Variants in ARHGEF26 observed in about 807,000 individuals in gnomAD.
ARHGEF26 encodes Rho guanine nucleotide exchange factor 26.
A neutral mutation model predicts 89.4 loss-of-function variants in ARHGEF26; 59 were observed. The ratio of observed to expected loss-of-function variants is 0.66; its 90% CI spans 0.54 to 0.82. The LOEUF is 0.82. ARHGEF26 is among the 40% of genes least tolerant of loss of function. The probability of loss-of-function intolerance (pLI) is 0.00; values close to 1 mark genes in which losing one functional copy is unlikely to be tolerated. For synonymous variants in ARHGEF26, 500 were observed against 428.4 expected (o/e 1.17, Z -2.06); for missense variants, 1,234 against 1,085.6 (o/e 1.14, Z -1.92).
intron 11 of ARHGEF26, among the ~76,000 whole-genome samples, chr3:154,234,565 C>G (rs990724226): frequency 1.3e-5 from 2 of 151,996 alleles, no homozygotes; most frequent in Admixed American, 1.3e-4. Context: ...ATATGTTTCC[C>G]CAAATGTCCC....
chr3:154,212,857 T>C (rs935274839), intron 9 of ARHGEF26, among the ~76,000 whole-genome samples: 3 of 151,924 alleles, frequency 2.0e-5, no homozygotes, highest in African/African-American at 7.3e-5. Flanking sequence ...TCCATGGCCC[T>C]GGGGGTGGGG....
intron 8 of ARHGEF26, among the ~76,000 whole-genome samples, chr3:154,193,571 G>A (rs943737789): frequency 6.6e-6 from 1 of 152,074 alleles, no homozygotes; most frequent in Non-Finnish European, 1.5e-5. Flanking sequence ...GGCCATTTAG[G>A]CAGAATGTAA....
chr3:154,171,768 T>C (rs1322374174), intron 6 of ARHGEF26, among the ~76,000 whole-genome samples: 1 of 151,954 alleles, frequency 6.6e-6, no homozygotes, highest in Non-Finnish European at 1.5e-5. Context: ...TTTCAAGCAA[T>C]GGTGCTGAAA....
intron 6 of ARHGEF26, among the ~76,000 whole-genome samples, chr3:154,165,655 A>G (rs879694311): frequency 6.6e-6 from 1 of 152,200 alleles, no homozygotes; most frequent in African/African-American, 2.4e-5. Flanking sequence ...TGAGACCTGC[A>G]TAAGGAATGT....
intron 6 of ARHGEF26, among the ~76,000 whole-genome samples, chr3:154,164,189 A>G (rs1199460351): frequency 1.3e-5 from 2 of 152,060 alleles, no homozygotes; most frequent in Non-Finnish European, 2.9e-5. Context: ...TCACAGCAAA[A>G]TATTTTAATT....
chr3:154,126,550 C>G (rs1718343010), intron 3 of ARHGEF26, among the ~76,000 whole-genome samples: 1 of 152,182 alleles, frequency 6.6e-6, no homozygotes, highest in African/African-American at 2.4e-5. Context: ...CTAATCTAAG[C>G]AAGTCTTTCC....
intron 11 of ARHGEF26, among the ~76,000 whole-genome samples, chr3:154,231,985 C>G (rs1469923840): frequency 6.6e-6 from 1 of 151,122 alleles, no homozygotes; most frequent in Non-Finnish European, 1.5e-5. Context: ...GTATATTTTT[C>G]CTTTTTATTG....
chr3:154,154,073 A>G (rs1286277219), intron 6 of ARHGEF26, among the ~76,000 whole-genome samples: 1 of 152,120 alleles, frequency 6.6e-6, no homozygotes, highest in Non-Finnish European at 1.5e-5. Flanking sequence ...TTATTCATTT[A>G]TTAGCTGAAA....
chr3:154,203,846 C>A (rs144897616), intron 9 of ARHGEF26, among the ~76,000 whole-genome samples: 1,593 of 150,106 alleles, frequency 0.011, 22 homozygotes, highest in African/African-American at 0.037. Context: ...CCATGATAAT[C>A]TCTCTTTTTT....
chr3:154,257,113 T>TAA lies in ARHGEF26; in HGVS notation c.*1641_*1642dup. ...AAGCTACAGAAGCCCAGTTGAGGGG[T>TAA]AAGTGTGCCTGGCTCACACAGCCTG... On this transcript the variant is annotated 3_prime_UTR_variant, in exon 15 of 15. Transcript: ENST00000465093. The TAA allele has an allele frequency of 9.1e-7, 1 of 1,094,088 alleles. No homozygotes were observed. The highest frequency in any genetic ancestry group is 1.2e-6 in the Non-Finnish European group (1 of 804,264). The allele number at this position is 1,094,088 out of a possible 1,614,324, so 67.8% of individuals were successfully genotyped here. A position where few individuals can be genotyped will look rare whatever the true frequency, so the allele number is the denominator to read the frequency against.
At chr3:154,150,646 G>T (rs1381203523) in intron 5 of ARHGEF26, among the ~76,000 whole-genome samples, 1 of 152,028 alleles carries the variant, frequency 6.6e-6, no homozygotes, top group East Asian at 1.9e-4. Flanking sequence ...TCCAATGCTG[G>T]ACAGTAGGTG....
intron 6 of ARHGEF26, among the ~76,000 whole-genome samples, chr3:154,155,542 G>A (rs2108105570): frequency 6.6e-6 from 1 of 152,034 alleles, no homozygotes; most frequent in Admixed American, 6.5e-5. Flanking sequence ...GAACATAACT[G>A]AATTTATCAA....
intron 6 of ARHGEF26, among the ~76,000 whole-genome samples, chr3:154,186,704 G>A (rs1205301209): frequency 1.3e-5 from 2 of 151,944 alleles, no homozygotes; most frequent in African/African-American, 4.8e-5. Context: ...AGAAGTTGCA[G>A]TGAGGTGAGA....
intron 9 of ARHGEF26, among the ~76,000 whole-genome samples, chr3:154,206,543 A>G (rs1472897650): frequency 6.6e-6 from 1 of 152,198 alleles, no homozygotes; most frequent in Non-Finnish European, 1.5e-5. Flanking sequence ...ATACCTAAGA[A>G]TACAGCTAAC....
rs750167888 is a variant in ARHGEF26 at position 154,122,401 on chromosome 3, G to GCGCCGC, written c.421_426dup (p.Pro141_Pro142dup). 11 of 1,606,668 alleles carry GCGCCGC rather than the reference G, an allele frequency of 6.8e-6. No homozygotes were observed. Among genetic ancestry groups the GCGCCGC allele is most frequent in the African/African-American group, 4.0e-5 (3 of 74,804 alleles). On this transcript the variant is annotated inframe_insertion, in exon 2 of 15. Coordinates refer to ENST00000465093, the MANE Select transcript of ARHGEF26 (RefSeq NM_015595.4). Reference sequence around the variant, plus strand: ...AGCAAATGGCGCGGTGACCTTGCCTGCGCCGCCGCCGCCGCCGGTTCTGCG... The same window carrying GCGCCGC: ...AGCAAATGGCGCGGTGACCTTGCCTGCGCCGCCGCCGCCGCCGCCGCCGGTTCTGCG...
rs771729195 is a variant in ARHGEF26, at chr3:154,191,325, G to T, written c.1677G>T (p.Arg559Ser). The T allele has an allele frequency of 1.2e-6, 2 of 1,613,234 alleles. No homozygotes were observed. The highest frequency in any genetic ancestry group is 1.7e-5 in the Admixed American group (1 of 59,946). ...TNPSFKEVLSRIESHEDCRNL... is the reference protein window; with the variant it reads ...TNPSFKEVLSSIESHEDCRNL... ...CATCCTTTAAGGAAGTATTGTCAAG[G>T]ATTGAGTCCCATGAAGACTGTAGGA... The change falls in exon 8 of 15, where the codon AGG becomes AGT. Residue 559 changes from arginine to serine, a missense_variant. Transcript: ENST00000465093.
intron 6 of ARHGEF26, among the ~76,000 whole-genome samples, chr3:154,171,606 T>C (rs926413795): frequency 1.2e-4 from 18 of 152,300 alleles, no homozygotes; most frequent in African/African-American, 4.1e-4. Context: ...GCTGTTGAGT[T>C]TTGCAGTAGT....
At chr3:154,195,124 C>T (rs960378687) in intron 9 of ARHGEF26, among the ~76,000 whole-genome samples, 1 of 152,074 alleles carries the variant, frequency 6.6e-6, no homozygotes, top group Non-Finnish European at 1.5e-5. Flanking sequence ...AACAGAGTTA[C>T]AATGAAGGGT....
intron 11 of ARHGEF26, among the ~76,000 whole-genome samples, chr3:154,228,526 A>G (rs1330166033): frequency 2.0e-5 from 3 of 151,124 alleles, no homozygotes; most frequent in Non-Finnish European, 4.4e-5. Flanking sequence ...CTGAGTACCT[A>G]ACTTGGCCTT....
Sources: allele counts gnomAD v4.1 joint callset (sites outside exome capture counted in the v4.1 genomes callset), GRCh38; gene constraint gnomAD v4.1.1; transcripts MANE v1.5; gene names NCBI Gene and HGNC (gene_info 2026-07-23, HGNC 2026-07-21).